The following NRG1 variants were observed in gnomAD, a reference collection of about 807,000 sequenced individuals.
The protein encoded by NRG1 is neuregulin 1.
In NRG1, 18 loss-of-function variants were observed where a neutral mutation model predicts 63.8. The observed-to-expected ratio is 0.28, with a 90% confidence interval of 0.19 to 0.42. The LOEUF is 0.42. NRG1 is among the 10% of genes least tolerant of loss of function. NRG1 has a pLI of 1.00. For missense variants in NRG1, 762 were observed against 814.7 expected, an observed-to-expected ratio of 0.94 and a Z score of 0.79; for synonymous variants, 302 against 301.3, an observed-to-expected ratio of 1.00 and a Z score of -0.02.
chr8:31,818,080 T>C (rs948364803), intron 1 of NRG1, among the ~76,000 whole-genome samples: 3 of 152,110 alleles, frequency 2.0e-5, no homozygotes, highest in Non-Finnish European at 2.9e-5. Flanking sequence ...CACAAGAATG[T>C]TATAAGAAAG....
intron 1 of NRG1, among the ~76,000 whole-genome samples, chr8:32,158,447 T>TTA (rs1563852043): frequency 3.3e-5 from 1 of 30,272 alleles, no homozygotes; most frequent in African/African-American, 1.2e-4. Context: ...TTGGTTTACA[T>TTA]GATATATATA....
chr8:32,552,210 C>CT (rs35243877), intron 1 of NRG1, among the ~76,000 whole-genome samples: 2,205 of 124,730 alleles, frequency 0.018, 23 homozygotes, highest in African/African-American at 0.026. Flanking sequence ...CGCTTGGCCG[C>CT]TTTTTTTTTT....
chr8:32,356,241 G>T (rs939961185), intron 1 of NRG1, among the ~76,000 whole-genome samples: 15 of 152,168 alleles, frequency 9.9e-5, no homozygotes, highest in Non-Finnish European at 2.2e-4. Context: ...AATGTTTAAA[G>T]TTCCATTTCC....
chr8:32,289,482 G>A lies in NRG1; in HGVS notation c.38-306346G>A, dbSNP rs1432773460. 2.0e-5 allele frequency among the ~76,000 whole-genome samples: 3 copies of A among 151,334 alleles called. No homozygotes were observed. The South Asian group carries it at 6.2e-4, about 31-fold the overall frequency. On this transcript the variant is annotated intron_variant, in intron 1 of 10. Transcript: ENST00000519301. ...GATTGCTTGATTTTCAAACTTGATA[G>A]TATGCTTTCGAAGTTACATAATCAA... is the stretch of plus-strand genomic sequence containing the variant.
chr8:32,200,076 G>A (rs775203705), intron 1 of NRG1, among the ~76,000 whole-genome samples: 1 of 152,128 alleles, frequency 6.6e-6, no homozygotes, highest in Admixed American at 6.6e-5. Flanking sequence ...ACTGCACCCG[G>A]CCTGTTTTAA....
chr8:32,716,009 C>T (rs1408022183), intron 5 of NRG1, among the ~76,000 whole-genome samples: 2 of 152,068 alleles, frequency 1.3e-5, no homozygotes, highest in African/African-American at 4.8e-5. Flanking sequence ...GTCTTGTTTT[C>T]CTGGTAAGGC....
At chr8:32,592,932 G>GTTGAT (rs1842769900) in intron 1 of NRG1, among the ~76,000 whole-genome samples, 1 of 152,054 alleles carries the variant, frequency 6.6e-6, no homozygotes, top group African/African-American at 2.4e-5. Context: ...CACACAAACA[G>GTTGAT]TTGATTAATA....
At chr8:31,956,607 A>G (rs1317564620) in intron 1 of NRG1, among the ~76,000 whole-genome samples, 2 of 152,184 alleles carry the variant, frequency 1.3e-5, no homozygotes, top group South Asian at 2.1e-4. Context: ...CTGGGCGATA[A>G]AGCGAGACTC....
rs546039498 is a variant in NRG1, at chr8:32,096,722, T to G, written c.37+457291T>G. Among the ~76,000 whole-genome samples the G allele has an allele frequency of 3.3e-5, 5 of 152,288 alleles. No individual in the cohort carries two copies. The South Asian group carries it at 1.0e-3, about 32-fold the overall frequency. ...AAACTAGCAGAGGAAGAACTCACTCTTAGTTTCTGCAAGAGGAATTAACTC... is the reference window on the plus strand; with the variant it reads ...AAACTAGCAGAGGAAGAACTCACTCGTAGTTTCTGCAAGAGGAATTAACTC... On this transcript the variant is annotated intron_variant, in intron 1 of 10. Coordinates refer to the NRG1 transcript ENST00000519301.
At chr8:32,197,555 G>A (rs186938531) in intron 1 of NRG1, among the ~76,000 whole-genome samples, 57 of 152,266 alleles carry the variant, frequency 3.7e-4, no homozygotes, top group African/African-American at 1.3e-3. Context: ...AGCTTCTTTC[G>A]TCAGAAAGTG....
At chr8:31,886,693 G>A (rs1413684310) in intron 1 of NRG1, among the ~76,000 whole-genome samples, 1 of 151,958 alleles carries the variant, frequency 6.6e-6, no homozygotes, top group Non-Finnish European at 1.5e-5. Context: ...GTTCGGAGGG[G>A]GAGCAACATG....
At chr8:32,549,513 T>A (rs1057471679) in intron 1 of NRG1, among the ~76,000 whole-genome samples, 1 of 152,206 alleles carries the variant, frequency 6.6e-6, no homozygotes, top group Admixed American at 6.5e-5. Context: ...TTCTACAAAC[T>A]TTTGGCTTAA....
intron 1 of NRG1, among the ~76,000 whole-genome samples, chr8:32,064,193 A>G (rs1366691832): frequency 6.6e-6 from 1 of 152,126 alleles, no homozygotes; most frequent in Non-Finnish European, 1.5e-5. Flanking sequence ...AGCAACAAAA[A>G]GGAGAAGTCA....
intron 1 of NRG1, among the ~76,000 whole-genome samples, chr8:31,747,310 CAA>C (rs1563355108): frequency 6.6e-6 from 1 of 151,786 alleles, no homozygotes; most frequent in Admixed American, 6.6e-5. Context: ...TGTGTATCCA[CAA>C]AAAAAGTGTT....
intron 7 of NRG1, chr8:32,748,802 G>T (rs1164743298): frequency 2.3e-5 from 10 of 440,274 alleles, no homozygotes; most frequent in Non-Finnish European, 4.1e-5. Context: ...AAAGTGAGGC[G>T]TAGAATTGTC....
At chr8:32,539,138 T>C (rs1049265023) in intron 1 of NRG1, among the ~76,000 whole-genome samples, 9 of 152,066 alleles carry the variant, frequency 5.9e-5, no homozygotes, top group Middle Eastern at 3.4e-3. Context: ...CAGGAGAAGA[T>C]AGAAAAGAGA....
intron 1 of NRG1, among the ~76,000 whole-genome samples, chr8:31,661,585 C>T (rs1347740019): frequency 6.6e-6 from 1 of 152,120 alleles, no homozygotes; most frequent in African/African-American, 2.4e-5. Flanking sequence ...TTTGTGGGTA[C>T]ATAGGAATGA....
intron 1 of NRG1, among the ~76,000 whole-genome samples, chr8:31,948,947 A>G (rs973512538): frequency 2.0e-5 from 3 of 152,166 alleles, no homozygotes; most frequent in South Asian, 2.1e-4. Flanking sequence ...TATATTTTTT[A>G]CCTGTCTTGA....
chr8:32,144,332 T>C (rs1836632393), intron 1 of NRG1, among the ~76,000 whole-genome samples: 1 of 152,132 alleles, frequency 6.6e-6, no homozygotes, highest in Non-Finnish European at 1.5e-5. Context: ...TGATTGCTGG[T>C]AGTGAAGTAT....
Sources: allele counts gnomAD v4.1 joint callset (sites outside exome capture counted in the v4.1 genomes callset), GRCh38; gene constraint gnomAD v4.1.1; transcripts MANE v1.5; gene names NCBI Gene and HGNC (gene_info 2026-07-23, HGNC 2026-07-21).